The following ZC3H18 variants were observed in gnomAD, a reference collection of about 807,000 sequenced individuals.
ZC3H18 encodes the protein zinc finger CCCH-type containing 18, also known as zinc finger CCCH domain-containing protein 18.
A neutral mutation model predicts 106.1 loss-of-function variants in ZC3H18; 8 were observed. The ratio of observed to expected loss-of-function variants is 0.08; its 90% CI spans 0.04 to 0.14. The LOEUF (loss-of-function observed/expected upper bound fraction) is 0.14. Among genes scored for constraint, ZC3H18 ranks in the 10% least tolerant of loss-of-function variants. ZC3H18 has a pLI of 1.00. For synonymous variants in ZC3H18, 635 were observed against 522.1 expected (o/e 1.22, Z -2.95); for missense variants, 1,318 against 1,278.4 (o/e 1.03, Z -0.47).
At chr16:88,580,855 C>T (rs1915084486) in intron 2 of ZC3H18, among the ~76,000 whole-genome samples, 1 of 152,172 alleles carries the variant, frequency 6.6e-6, no homozygotes, top group African/African-American at 2.4e-5. Flanking sequence ...TCGTTGCTTT[C>T]AAGTAGAGCC....
chr16:88,582,219 C>CTTTTTTTTTTTTTT (rs71391393), intron 2 of ZC3H18, among the ~76,000 whole-genome samples: 1,012 of 77,102 alleles, frequency 0.013, 40 homozygotes, highest in East Asian at 0.019. Flanking sequence ...TTTTTCTTTT[C>CTTTTTTTTTTTTTT]TTTTTTTTTT....
Position 88,628,009 on chromosome 16 carries a change from G to A in ZC3H18, c.2359G>A (p.Gly787Arg), listed in dbSNP as rs769824845. 4.3e-6 allele frequency: 7 copies of A among 1,614,174 alleles called. No individual in the cohort carries two copies. The highest frequency in any genetic ancestry group is 4.2e-6 in the Non-Finnish European group (5 of 1,180,042). ...ACCCAAATCTGCAAAACCTCCAGCA[G>A]GGGGGAAGTCCTCCCAGCAGCCCTC... is the stretch of plus-strand genomic sequence containing the variant. The part of the protein sequence containing the change: ...QPPKSAKPPA[G>R]GKSSQQPSTP... Residue 787 changes from glycine to arginine, a missense_variant, in exon 15 of 18, where the codon GGG becomes AGG. By Grantham distance (125) the Gly-to-Arg change is moderately radical (BLOSUM62 -2). Coordinates refer to ENST00000301011, the MANE Select transcript of ZC3H18 (RefSeq NM_144604.4).
rs1390356503 is a variant in ZC3H18, at chr16:88,602,699, G to A, written c.1088+2751G>A. ...CGAGAGTTTTCTGTTGGTTTTTTGAGATGAGGTCTTGCTATGTTGCTCAGG... is the reference window on the plus strand; with the variant it reads ...CGAGAGTTTTCTGTTGGTTTTTTGAAATGAGGTCTTGCTATGTTGCTCAGG... On this transcript the variant is annotated intron_variant, in intron 6 of 17. Transcript: ENST00000301011. 2.6e-5 allele frequency among the ~76,000 whole-genome samples: 4 copies of A among 152,200 alleles called. No homozygotes were observed. The South Asian group carries it at 8.3e-4, about 32-fold the overall frequency.
intron 8 of ZC3H18, among the ~76,000 whole-genome samples, chr16:88,618,772 G>A (rs2142785952): frequency 6.6e-6 from 1 of 152,312 alleles, no homozygotes; most frequent in African/African-American, 2.4e-5. Flanking sequence ...TCAGTCAGAG[G>A]TCATCTGGAG....
rs1047347704 is a variant in ZC3H18, at chr16:88,587,689, G to C, written c.688+1005G>C. ...TCCAGAGGCCAGACTTCCTTCTCCT[G>C]GATCCAGAACACAGCTGTGAAGCCA... On this transcript the variant is annotated intron_variant, in intron 3 of 17. Transcript: ENST00000301011. 5.8e-6 allele frequency: 8 copies of C among 1,377,652 alleles called. No individual in the cohort carries two copies. The African/African-American group carries it at 1.1e-4, about 20-fold the overall frequency. The allele number at this position is 1,377,652 out of a possible 1,614,324, so 85.3% of individuals were successfully genotyped here.
chr16:88,625,277 A>T lies in ZC3H18; in HGVS notation c.2108+10A>T, dbSNP rs146754616. 3.1e-4 allele frequency: 489 copies of T among 1,581,392 alleles called. 3 individuals are homozygous for T. In the African/African-American group the frequency reaches 5.7e-3, roughly 19 times the overall value. The stretch of plus-strand genomic sequence containing the variant: ...CCAGCTCCCGATCCAGGTCATCCCC[A>T]TCACCCTGTGCCTCTGTTTCTCCCT... On this transcript the variant is annotated intron_variant, in intron 13 of 17. Transcript: ENST00000301011.
chr16:88,628,191 T>G, intron 15 of ZC3H18, 72 bp downstream of exon 15: 2 of 1,554,156 alleles, frequency 1.3e-6, no homozygotes, highest in Non-Finnish European at 8.8e-7. Context: ...TGAGACAGCT[T>G]CCTCCTGGGG....
At chr16:88,573,631 C>G (rs755256266) in intron 1 of ZC3H18, among the ~76,000 whole-genome samples, 7 of 151,870 alleles carry the variant, frequency 4.6e-5, no homozygotes, top group Non-Finnish European at 7.4e-5. Flanking sequence ...AGGCTGGACT[C>G]GAACTCTTGG....
chr16:88,587,699 C>A, intron 3 of ZC3H18: 2 of 1,326,768 alleles, frequency 1.5e-6, no homozygotes, highest in Non-Finnish European at 1.0e-6. Context: ...GGATCCAGAA[C>A]ACAGCTGTGA....
At chr16:88,626,108 C>G (rs530064823) in intron 13 of ZC3H18, 1 of 152,168 alleles carries the variant, frequency 6.6e-6, no homozygotes, top group Admixed American at 6.5e-5. Flanking sequence ...CATGCGTGAG[C>G]CGCCGCACGC....
intron 8 of ZC3H18, among the ~76,000 whole-genome samples, chr16:88,620,763 A>G (rs1905908229): frequency 6.6e-6 from 1 of 152,174 alleles, no homozygotes; most frequent in Non-Finnish European, 1.5e-5. Context: ...TAAAATGTGT[A>G]TCTCCTTTGA....
intron 10 of ZC3H18, 52 bp from the exon 11 acceptor site, chr16:88,623,906 T>A (rs1906125997): frequency 6.4e-7 from 1 of 1,553,804 alleles, no homozygotes; most frequent in South Asian, 1.2e-5. Flanking sequence ...GGGCTTGGGC[T>A]GGTGAAGAAA....
chr16:88,627,689 G>A lies in ZC3H18; in HGVS notation c.2176G>A (p.Val726Met), dbSNP rs1906397993. The change falls in exon 14 of 18, where the codon GTG (valine) becomes ATG (methionine). Residue 726 changes from valine (V) to methionine (M), a missense_variant. Around this residue, in one of 6 missense-constraint regions of ZC3H18, gnomAD observed 848 missense variants for 821.7 expected, o/e 1.03. Transcript: ENST00000301011. This position sits in a 1 kb window ranked among gnomAD's most constrained non-coding sequence, Gnocchi z 4.5. ...GTCGAGCAGCAGCTCTGCACACAGC[G>A]TGGACTCGGAGGACATGTACGCAGA... is the stretch of plus-strand genomic sequence containing the variant. ...ATSSSSSAHSVDSEDMYADLA... is the reference protein window; with the variant it reads ...ATSSSSSAHSMDSEDMYADLA... The A allele has an allele frequency of 1.9e-6, 3 of 1,613,770 alleles. No individual in the cohort carries two copies. Among genetic ancestry groups the A allele is most frequent in the Non-Finnish European group, 2.5e-6 (3 of 1,179,822 alleles).
chr16:88,592,577 C>A (rs571064671), intron 3 of ZC3H18, among the ~76,000 whole-genome samples: 1 of 152,294 alleles, frequency 6.6e-6, no homozygotes, highest in South Asian at 2.1e-4. Context: ...CGGGTTCAAA[C>A]GATTCTCCTG....
intron 6 of ZC3H18, among the ~76,000 whole-genome samples, chr16:88,607,007 CTT>C (rs1390880932): frequency 1.3e-5 from 2 of 152,172 alleles, no homozygotes; most frequent in Non-Finnish European, 2.9e-5. Flanking sequence ...CTAGTGTACA[CTT>C]TGTTTCCTCT....
At chr16:88,613,556 C>G (rs2142758284) in intron 8 of ZC3H18, among the ~76,000 whole-genome samples, 1 of 152,286 alleles carries the variant, frequency 6.6e-6, no homozygotes, top group South Asian at 2.1e-4. Context: ...TGTGACGTCT[C>G]CCTGCCGTTG....
intron 8 of ZC3H18, among the ~76,000 whole-genome samples, chr16:88,620,784 C>G (rs1365452228): frequency 6.6e-6 from 1 of 151,890 alleles, no homozygotes; most frequent in Non-Finnish European, 1.5e-5. Flanking sequence ...CCCATTAATT[C>G]CATTGCTCAG....
intron 3 of ZC3H18, among the ~76,000 whole-genome samples, chr16:88,589,210 AT>A (rs1218817116): frequency 1.3e-5 from 2 of 152,234 alleles, no homozygotes; most frequent in African/African-American, 4.8e-5. Flanking sequence ...TGGAGCCCTC[AT>A]TCACTGCTCG....
Position 88,625,194 on chromosome 16 carries a change from T to C in ZC3H18, c.2043-8T>C. 6.3e-7 allele frequency: 1 copy of C among 1,580,402 alleles called. No homozygotes were observed. Among genetic ancestry groups the C allele is most frequent in the Non-Finnish European group, 8.6e-7 (1 of 1,163,440 alleles). ...GCCCCCTGAGCCCCGCTGTTGCTTG[T>C]ATTACAGGCGGACGCTAAGCGGCAG... On this transcript the variant is annotated splice_polypyrimidine_tract_variant and splice_region_variant and intron_variant, in intron 12 of 17. Coordinates refer to ENST00000301011, the MANE Select transcript of ZC3H18 (RefSeq NM_144604.4).
Sources: allele counts gnomAD v4.1 joint callset (sites outside exome capture counted in the v4.1 genomes callset), GRCh38; gene constraint gnomAD v4.1.1; regional missense constraint gnomAD v4.1.1; non-coding constraint Gnocchi (gnomAD v3.1); transcripts MANE v1.5; gene names NCBI Gene and HGNC (gene_info 2026-07-23, HGNC 2026-07-21).